The following PTPRQ variants were observed in gnomAD, a reference collection of about 807,000 sequenced individuals.
The protein encoded by PTPRQ is protein tyrosine phosphatase receptor type Q.
PTPRQ carries 199 observed loss-of-function variants against 246.0 expected under a neutral mutation model. That is an observed-to-expected ratio of 0.81 (90% confidence interval 0.72 to 0.91). PTPRQ has a LOEUF of 0.91. Among genes scored for constraint, PTPRQ ranks in the 40% least tolerant of loss-of-function variants. The pLI, the probability that PTPRQ is intolerant of heterozygous loss-of-function variation, is 0.00. For missense variants in PTPRQ, 2,624 were observed against 2,528.4 expected, an observed-to-expected ratio of 1.04 and a Z score of -0.81; for synonymous variants, 869 against 853.2, an observed-to-expected ratio of 1.02 and a Z score of -0.32.
intron 35 of PTPRQ, 31 bp from the exon 36 acceptor site, chr12:80,648,862 GACTC>G: frequency 6.6e-7 from 1 of 1,518,402 alleles, no homozygotes; most frequent in Non-Finnish European, 8.8e-7. Context: ...TGTCCACTCT[GACTC>G]ACAATGCATT....
intron 17 of PTPRQ, among the ~76,000 whole-genome samples, chr12:80,530,194 T>C (rs908299329): frequency 6.6e-6 from 1 of 152,200 alleles, no homozygotes; most frequent in Non-Finnish European, 1.5e-5. Flanking sequence ...TATTCTCTTT[T>C]TTTATACTGT....
chr12:80,575,380 G>T (rs953240779), intron 25 of PTPRQ, among the ~76,000 whole-genome samples: 3 of 152,014 alleles, frequency 2.0e-5, no homozygotes, highest in African/African-American at 7.2e-5. Flanking sequence ...GAGCCTAGGA[G>T]TTTGAGAACA....
Position 80,632,239 on chromosome 12 carries a change from T to C in PTPRQ, c.5734T>C (p.Leu1912=), listed in dbSNP as rs888055407. ...RTVEIILSVT[L]CILSIILLGT... ...CGTAGAGATCATTCTTTCCGTCACTTTGTGTATCCTTTCAATAATTCTCCT... is the reference window on the plus strand; with the variant it reads ...CGTAGAGATCATTCTTTCCGTCACTCTGTGTATCCTTTCAATAATTCTCCT... The change falls in exon 34 of 45, where the codon TTG becomes CTG. Residue 1912 remains leucine (L), a synonymous_variant. Coordinates refer to ENST00000644991, the MANE Select transcript of PTPRQ (RefSeq NM_001145026.2). The C allele has an allele frequency of 6.4e-7, 1 of 1,551,294 alleles. No homozygotes were observed. Among genetic ancestry groups the C allele is most frequent in the African/African-American group, 1.4e-5 (1 of 73,018 alleles).
chr12:80,578,458 T>A (rs1163491351), intron 25 of PTPRQ, among the ~76,000 whole-genome samples: 3 of 152,062 alleles, frequency 2.0e-5, no homozygotes, highest in Non-Finnish European at 4.4e-5. Flanking sequence ...TGGCGCGATC[T>A]GGGCTCACTG....
intron 14 of PTPRQ, among the ~76,000 whole-genome samples, chr12:80,502,997 T>C (rs964386127): frequency 2.6e-5 from 4 of 151,672 alleles, no homozygotes; most frequent in Non-Finnish European, 5.9e-5. Context: ...GTGACAGAGG[T>C]ATTACCAGTT....
chr12:80,569,613 G>A (rs1036029159), intron 25 of PTPRQ, among the ~76,000 whole-genome samples: 1 of 150,736 alleles, frequency 6.6e-6, no homozygotes, highest in Non-Finnish European at 1.5e-5. Context: ...TTTAATTTAA[G>A]TTCTGGGATA....
At chr12:80,568,658 T>C (rs950124532) in intron 25 of PTPRQ, among the ~76,000 whole-genome samples, 54 of 152,240 alleles carry the variant, frequency 3.5e-4, no homozygotes, top group African/African-American at 1.1e-3. Flanking sequence ...ACTCTCACTT[T>C]TGTTGCTCTG....
chr12:80,635,681 A>G (rs1565832857), intron 35 of PTPRQ, among the ~76,000 whole-genome samples: 1 of 152,110 alleles, frequency 6.6e-6, no homozygotes, highest in Non-Finnish European at 1.5e-5. Context: ...TTTTAAAGAA[A>G]AAATAATTAT....
At chr12:80,606,125 T>C (rs1175779526) in intron 27 of PTPRQ, among the ~76,000 whole-genome samples, 1 of 150,790 alleles carries the variant, frequency 6.6e-6, no homozygotes, top group Non-Finnish European at 1.5e-5. Context: ...AACAGATCTG[T>C]AGAGGAAAGG....
At chr12:80,552,466 A>T (rs962353889) in intron 25 of PTPRQ, among the ~76,000 whole-genome samples, 1 of 151,456 alleles carries the variant, frequency 6.6e-6, no homozygotes, top group Non-Finnish European at 1.5e-5. Flanking sequence ...TGCAAAAGTA[A>T]CTGCAGTTTT....
intron 20 of PTPRQ, among the ~76,000 whole-genome samples, chr12:80,540,331 C>T (rs978759583): frequency 2.0e-5 from 3 of 152,074 alleles, no homozygotes; most frequent in African/African-American, 4.8e-5. Flanking sequence ...CAGGACTCTG[C>T]AGCACATCTC....
chr12:80,679,091 T>C lies in PTPRQ; in HGVS notation c.*68T>C. ...CCAGGGGCCAAAGTTACCCCCTCAT[T>C]CTTCCGAATTGAAATGTGCAACCTT... On this transcript the variant is annotated 3_prime_UTR_variant, in exon 45 of 45. Coordinates refer to ENST00000644991, the MANE Select transcript of PTPRQ (RefSeq NM_001145026.2). 6.6e-7 allele frequency: 1 copy of C among 1,515,806 alleles called. No individual in the cohort carries two copies. Among genetic ancestry groups the C allele is most frequent in the Non-Finnish European group, 8.8e-7 (1 of 1,131,474 alleles). 93.9% of individuals were successfully genotyped at this position (1,515,806 alleles called of 1,614,324 possible). A position where few individuals can be genotyped will look rare whatever the true frequency, so the allele number is the denominator to read the frequency against.
chr12:80,480,637 A>G (rs1161051633), intron 8 of PTPRQ, among the ~76,000 whole-genome samples: 1 of 152,044 alleles, frequency 6.6e-6, no homozygotes, highest in Non-Finnish European at 1.5e-5. Context: ...CAAGACTAAT[A>G]AAGAAAAAAA....
intron 25 of PTPRQ, among the ~76,000 whole-genome samples, chr12:80,577,453 A>G (rs1043753912): frequency 6.6e-6 from 1 of 152,126 alleles, no homozygotes. Context: ...TGATTCAATT[A>G]TCTCTTCCTG....
intron 26 of PTPRQ, among the ~76,000 whole-genome samples, chr12:80,600,527 C>T (rs550771894): frequency 1.1e-4 from 16 of 151,862 alleles, no homozygotes; most frequent in Admixed American, 9.2e-4. Context: ...GCAGAAAAAT[C>T]TCACAACTTT....
intron 17 of PTPRQ, among the ~76,000 whole-genome samples, chr12:80,530,168 C>A (rs1158145229): frequency 6.6e-6 from 1 of 152,138 alleles, no homozygotes; most frequent in African/African-American, 2.4e-5. Context: ...TTTCCTGGAT[C>A]TCTGGGGCCA....
chr12:80,445,800 G>A (rs1186420614), intron 3 of PTPRQ, 83 bp downstream of exon 3: 5 of 897,700 alleles, frequency 5.6e-6, no homozygotes, highest in Non-Finnish European at 7.1e-6. Context: ...ACCTTGTCAA[G>A]CCTTTACAGC....
At chr12:80,560,034 G>T (rs942800590) in intron 25 of PTPRQ, among the ~76,000 whole-genome samples, 17 of 152,206 alleles carry the variant, frequency 1.1e-4, no homozygotes, top group African/African-American at 2.9e-4. Context: ...CCTCTTAAAA[G>T]AATTTGGGGA....
intron 33 of PTPRQ, among the ~76,000 whole-genome samples, chr12:80,628,859 T>G (rs1414017477): frequency 6.8e-6 from 1 of 147,426 alleles, no homozygotes; most frequent in Non-Finnish European, 1.5e-5. Flanking sequence ...AGGCAGAAAA[T>G]GCAGGGAGTT....
Sources: gnomAD v4.1 joint callset for allele counts (sites outside exome capture counted in the v4.1 genomes callset) on GRCh38, gnomAD v4.1.1 for gene constraint, MANE v1.5 for transcripts, NCBI Gene and HGNC (gene_info 2026-07-23, HGNC 2026-07-21) for gene names.